The following PABPC4L variants were observed in gnomAD, a reference collection of about 807,000 sequenced individuals.
The protein encoded by PABPC4L is polyadenylate-binding protein 4-like.
For synonymous variants in PABPC4L, 169 were observed against 164.1 expected, an observed-to-expected ratio of 1.03 and a Z score of -0.23; for missense variants, 452 against 451.4, an observed-to-expected ratio of 1.00 and a Z score of -0.01.
At chr4:134,002,492 C>T in the PABPC4L span, among the ~76,000 whole-genome samples, 12 of 151,830 alleles carry the variant, frequency 7.9e-5, no homozygotes, top group Non-Finnish European at 1.3e-4. Flanking sequence ...ATAATCCTAA[C>T]TTAACTGAAA....
chr4:134,086,693 C>A, the PABPC4L span, among the ~76,000 whole-genome samples: 1 of 150,956 alleles, frequency 6.6e-6, no homozygotes, highest in African/African-American at 2.4e-5. Context: ...AGGAATCCTA[C>A]GATTCTGCAG....
the PABPC4L span, among the ~76,000 whole-genome samples, chr4:133,980,618 C>T: frequency 6.6e-6 from 1 of 152,076 alleles, no homozygotes; most frequent in Non-Finnish European, 1.5e-5. Context: ...TTGGTCACCC[C>T]ATTTTATGAG....
chr4:134,160,026 C>T, the PABPC4L span, among the ~76,000 whole-genome samples: 327 of 152,204 alleles, frequency 2.1e-3, 1 homozygote, highest in African/African-American at 7.6e-3. Context: ...CCTGGGAATT[C>T]GCTCCCCTAA....
At chr4:134,024,046 A>T in the PABPC4L span, among the ~76,000 whole-genome samples, 1 of 152,200 alleles carries the variant, frequency 6.6e-6, no homozygotes, top group African/African-American at 2.4e-5. Context: ...TGATTCATGT[A>T]AAAGCAAGTT....
chr4:134,172,470 G>T, the PABPC4L span, among the ~76,000 whole-genome samples: 43 of 152,102 alleles, frequency 2.8e-4, no homozygotes, highest in African/African-American at 1.0e-3. Flanking sequence ...GCAGAAGATT[G>T]AACCTTGACT....
At chr4:134,085,159 C>A in the PABPC4L span, among the ~76,000 whole-genome samples, 1 of 152,066 alleles carries the variant, frequency 6.6e-6, no homozygotes, top group African/African-American at 2.4e-5. Context: ...GCAGTCCATT[C>A]TTTTAACCTT....
At chr4:134,158,562 A>G in the PABPC4L span, among the ~76,000 whole-genome samples, 2 of 152,100 alleles carry the variant, frequency 1.3e-5, no homozygotes, top group Non-Finnish European at 2.9e-5. Flanking sequence ...CTTTGGCACA[A>G]AACATTACAG....
chr4:134,071,261 C>A, the PABPC4L span, among the ~76,000 whole-genome samples: 1 of 152,060 alleles, frequency 6.6e-6, no homozygotes, highest in African/African-American at 2.4e-5. Flanking sequence ...TTCTGCCCAT[C>A]ATCTGTGTCC....
At chr4:133,959,943 A>G in the PABPC4L span, among the ~76,000 whole-genome samples, 2 of 152,234 alleles carry the variant, frequency 1.3e-5, no homozygotes, top group African/African-American at 4.8e-5. Context: ...TCTTATATAC[A>G]TAAATATTTA....
the PABPC4L span, among the ~76,000 whole-genome samples, chr4:133,985,534 AAG>A: frequency 4.4e-4 from 67 of 152,048 alleles, no homozygotes; most frequent in Non-Finnish European, 9.0e-4. Flanking sequence ...TTTTTAGAGA[AAG>A]AATAATTTAT....
chr4:134,157,306 AATG>A, the PABPC4L span, among the ~76,000 whole-genome samples: 1 of 151,384 alleles, frequency 6.6e-6, no homozygotes, highest in Non-Finnish European at 1.5e-5. Flanking sequence ...TGTGGTATAA[AATG>A]ATGAATTTTT....
At chr4:134,038,627 T>C in the PABPC4L span, among the ~76,000 whole-genome samples, 107,017 of 151,952 alleles carry the variant, frequency 0.7, 38,096 homozygotes, top group East Asian at 0.95. Context: ...TTATAGTATT[T>C]TCTGATGGTA....
chr4:134,178,594 A>T, the PABPC4L span, among the ~76,000 whole-genome samples: 1 of 152,270 alleles, frequency 6.6e-6, no homozygotes, highest in African/African-American at 2.4e-5. Flanking sequence ...CAGGAATGAA[A>T]ATCATCAACT....
the PABPC4L span, among the ~76,000 whole-genome samples, chr4:133,953,123 C>T: frequency 6.6e-6 from 1 of 152,170 alleles, no homozygotes; most frequent in East Asian, 1.9e-4. Flanking sequence ...TAAAGGGGAT[C>T]ACATTCTCTT....
At chr4:134,034,291 T>C in the PABPC4L span, among the ~76,000 whole-genome samples, 1 of 152,080 alleles carries the variant, frequency 6.6e-6, no homozygotes, top group African/African-American at 2.4e-5. Flanking sequence ...CTTTCGATTA[T>C]CACTGCTCAT....
At chr4:134,118,292 G>T in the PABPC4L span, among the ~76,000 whole-genome samples, 2 of 151,830 alleles carry the variant, frequency 1.3e-5, no homozygotes, top group Admixed American at 1.3e-4. Context: ...TTCAGCAAAT[G>T]ATGGTTCAAT....
the PABPC4L span, among the ~76,000 whole-genome samples, chr4:134,000,387 G>T: frequency 2.0e-5 from 3 of 152,226 alleles, no homozygotes; most frequent in Non-Finnish European, 2.9e-5. Context: ...ACAATTTAAA[G>T]TAATAGGAAA....
At chr4:134,037,903 T>C in the PABPC4L span, among the ~76,000 whole-genome samples, 2 of 152,170 alleles carry the variant, frequency 1.3e-5, no homozygotes, top group Non-Finnish European at 2.9e-5. Context: ...CTTATGCCGG[T>C]TGTCAAAGGG....
the PABPC4L span, among the ~76,000 whole-genome samples, chr4:134,139,091 G>T: frequency 1.3e-5 from 2 of 151,764 alleles, no homozygotes; most frequent in African/African-American, 2.4e-5. Flanking sequence ...CAACACAAAG[G>T]CTCACAAATA....
Sources: gnomAD v4.1 joint callset for allele counts (sites outside exome capture counted in the v4.1 genomes callset) on GRCh38, gnomAD v4.1.1 for gene constraint, MANE v1.5 for transcripts, NCBI Gene and HGNC (gene_info 2026-07-23, HGNC 2026-07-21) for gene names.